Variants in RAD17 observed in about 807,000 individuals in gnomAD.
RAD17 encodes RAD17 checkpoint clamp loader component.
In RAD17, 31 loss-of-function variants were observed where a neutral mutation model predicts 81.5. The observed-to-expected ratio is 0.38, with a 90% CI of 0.29 to 0.51. RAD17 has a LOEUF of 0.51. RAD17 is among the 20% of genes least tolerant of loss of function. The pLI is 0.88. For missense variants in RAD17, 681 were observed against 781.2 expected, an observed-to-expected ratio of 0.87 and a Z score of 1.53; for synonymous variants, 261 against 266.2, an observed-to-expected ratio of 0.98 and a Z score of 0.19.
chr5:69,399,041 T>C (rs745721483), intron 16 of RAD17, among the ~76,000 whole-genome samples: 15 of 151,412 alleles, frequency 9.9e-5, no homozygotes, highest in Non-Finnish European at 1.9e-4. Flanking sequence ...ATTAGCTGGG[T>C]GTGGTGGCAA....
At chr5:69,369,967 T>C (rs1580338886) in intron 1 of RAD17, 34 bp downstream of exon 1, 1 of 530,048 alleles carries the variant, frequency 1.9e-6, no homozygotes. Flanking sequence ...ATATTATGTA[T>C]ATGTCTTAGA....
At position 69,414,086 on chromosome 5, in the gene RAD17, G is replaced by A. The variant is rs35378969; in HGVS notation, c.1807G>A (p.Gly603Arg). The A allele has an allele frequency of 7.6e-5, 123 of 1,614,152 alleles. No homozygotes were observed. The African/African-American group carries it at 8.9e-4, about 12-fold the overall frequency. Residue 603 changes from glycine (G) to arginine (R), a missense_variant, in exon 19 of 19, where the codon GGA (glycine) becomes AGA (arginine). Physicochemically the swap from Gly to Arg is moderately radical, Grantham distance 125. Coordinates refer to ENST00000354868, the MANE Select transcript of RAD17 (RefSeq NM_133338.3). ...ACATGGAATGATAGACCCTGACAGC[G>A]GAGATGAAGCCCAGCTTAATGGAGG... is the stretch of plus-strand genomic sequence containing the variant. ...REHGMIDPDS[G>R]DEAQLNGGHS... is the part of the protein sequence containing the mutation.
intron 18 of RAD17, among the ~76,000 whole-genome samples, chr5:69,411,483 G>A (rs747090754): frequency 1.3e-5 from 2 of 152,162 alleles, no homozygotes; most frequent in Non-Finnish European, 1.5e-5. Context: ...TGGCACCTCT[G>A]ACTCCTCCTA....
At position 69,410,490 on chromosome 5, in the gene RAD17, C is replaced by T; in HGVS notation, c.1694-3C>T. The T allele has an allele frequency of 6.2e-7, 1 of 1,610,428 alleles. No individual in the cohort carries two copies. The highest frequency in any genetic ancestry group is 1.1e-5 in the South Asian group (1 of 90,550). Reference sequence around the variant, plus strand: ...TTTACAACTTTTAAAAAATCTGTTTCAGCTCAGATTTCTTTTATCCAAGAT... The same window carrying T: ...TTTACAACTTTTAAAAAATCTGTTTTAGCTCAGATTTCTTTTATCCAAGAT... On this transcript the variant is annotated splice_polypyrimidine_tract_variant and splice_region_variant and intron_variant, in intron 17 of 18. Coordinates refer to ENST00000354868, the MANE Select transcript of RAD17 (RefSeq NM_133338.3).
At chr5:69,392,807 A>G (rs930620435) in intron 13 of RAD17, 1 of 462,012 alleles carries the variant, frequency 2.2e-6, no homozygotes, top group South Asian at 1.6e-5. Flanking sequence ...AGAGAGCAAC[A>G]TCTTCCTACA....
Position 69,396,478 on chromosome 5 carries a change from C to T in RAD17, c.1504C>T (p.His502Tyr), listed in dbSNP as rs765596023. Reference protein sequence around the residue: ...MHSNKARGYAHCQGGGSSFRP... With the variant: ...MHSNKARGYAYCQGGGSSFRP... ...TTCCAACAAAGCCCGAGGATATGCT[C>T]ATTGCCAAGGAGGAGGATCAAGTTT... The change falls in exon 16 of 19, where the codon CAT becomes TAT. Residue 502 changes from histidine to tyrosine, a missense_variant. Coordinates refer to ENST00000354868, the MANE Select transcript of RAD17 (RefSeq NM_133338.3). 1 of 1,612,360 alleles carries T rather than the reference C, an allele frequency of 6.2e-7. No homozygotes were observed. Among genetic ancestry groups the T allele is most frequent in the East Asian group, 2.2e-5 (1 of 44,814 alleles).
upstream of RAD17, chr5:69,369,648 A>C: frequency 1.3e-6 from 2 of 1,562,080 alleles, no homozygotes; most frequent in Non-Finnish European, 1.7e-6. Flanking sequence ...GCCGCGGCCC[A>C]CTGGTTACCT....
At chr5:69,400,300 C>A in intron 17 of RAD17, 131 bp downstream of exon 17, 3 of 526,546 alleles carry the variant, frequency 5.7e-6, no homozygotes, top group Non-Finnish European at 8.3e-6. Context: ...TCACTGCAAC[C>A]TCTGCCTCCT....
chr5:69,384,057 T>G (rs1366772800), intron 7 of RAD17: 2 of 152,162 alleles, frequency 1.3e-5, no homozygotes, highest in Non-Finnish European at 2.9e-5. Context: ...TCCCAGCTAC[T>G]CAGGAGGCTG....
At chr5:69,383,692 C>T (rs1484882061) in intron 7 of RAD17, among the ~76,000 whole-genome samples, 2 of 152,002 alleles carry the variant, frequency 1.3e-5, no homozygotes, top group Non-Finnish European at 2.9e-5. Context: ...TTATTATTAT[C>T]ATTTTTTTAA....
At chr5:69,377,539 G>GTATATATATGCATATATATGTA in intron 6 of RAD17, among the ~76,000 whole-genome samples, 1 of 17,248 alleles carries the variant, frequency 5.8e-5, no homozygotes, top group Non-Finnish European at 1.1e-4. Flanking sequence ...GTATATATAC[G>GTATATATATGCATATATATGTA]TATATATATG....
chr5:69,386,199 C>A lies in RAD17; in HGVS notation c.718C>A (p.Arg240=). Residue 240 remains arginine, a synonymous_variant, in exon 10 of 19, where the codon CGA becomes AGA. Coordinates refer to ENST00000354868, the MANE Select transcript of RAD17 (RefSeq NM_133338.3). ...TTTTAGGAAGTATGTGAGGATTGGT[C>A]GATGTCCTCTTATATTTATAATCTC... The part of the protein sequence containing the change: ...EVLRKYVRIG[R]CPLIFIISDS... 1 of 1,604,986 alleles carries A rather than the reference C, an allele frequency of 6.2e-7. No homozygotes were observed. The highest frequency in any genetic ancestry group is 8.5e-7 in the Non-Finnish European group (1 of 1,175,178).
intron 17 of RAD17, among the ~76,000 whole-genome samples, chr5:69,405,681 A>C (rs575085580): frequency 3.7e-4 from 56 of 151,998 alleles, no homozygotes; most frequent in African/African-American, 9.4e-4. Flanking sequence ...AACAAACAAA[A>C]AAAAAACTCT....
chr5:69,369,512 G>C (rs1418790223), upstream of RAD17: 10 of 1,611,070 alleles, frequency 6.2e-6, no homozygotes, highest in African/African-American at 1.3e-5. Context: ...CGACGGCTTC[G>C]GGCGCCTCGC....
intron 4 of RAD17, among the ~76,000 whole-genome samples, chr5:69,373,440 C>T (rs1450177171): frequency 6.6e-6 from 1 of 152,056 alleles, no homozygotes; most frequent in Non-Finnish European, 1.5e-5. Context: ...TGGCTTATAC[C>T]TTTAATCCCA....
intron 4 of RAD17, 120 bp from the exon 5 acceptor site, chr5:69,373,710 T>TA: frequency 4.0e-6 from 2 of 495,416 alleles, no homozygotes; most frequent in South Asian, 4.2e-5. Flanking sequence ...TTTTTTTTTT[T>TA]TTTTTTAAGT....
At chr5:69,389,840 C>G (rs1450159496) in intron 12 of RAD17, among the ~76,000 whole-genome samples, 2 of 152,112 alleles carry the variant, frequency 1.3e-5, no homozygotes, top group Non-Finnish European at 2.9e-5. Flanking sequence ...GTTTCACTGT[C>G]TTAGCCAGGA....
chr5:69,385,783 CAAA>C (rs561186017), intron 8 of RAD17, among the ~76,000 whole-genome samples: 166 of 152,090 alleles, frequency 1.1e-3, no homozygotes, highest in African/African-American at 3.8e-3. Flanking sequence ...TATAGAAAAA[CAAA>C]AGAAAAGTTT....
chr5:69,386,542 A>G, intron 11 of RAD17, 77 bp downstream of exon 11: 1 of 1,343,676 alleles, frequency 7.4e-7, no homozygotes, highest in Non-Finnish European at 9.7e-7. Flanking sequence ...AAACTGAAGG[A>G]GTGTTATTTT....
Sources: gnomAD v4.1 joint callset for allele counts (sites outside exome capture counted in the v4.1 genomes callset) on GRCh38, gnomAD v4.1.1 for gene constraint, MANE v1.5 for transcripts, NCBI Gene and HGNC (gene_info 2026-07-23, HGNC 2026-07-21) for gene names.